The following DDR2 variants were observed in gnomAD, a reference collection of about 807,000 sequenced individuals.
The protein encoded by DDR2 is discoidin domain receptor tyrosine kinase 2.
DDR2 carries 27 observed loss-of-function variants against 94.9 expected under a neutral mutation model. The observed-to-expected ratio is 0.28, with a 90% confidence interval of 0.21 to 0.39. The LOEUF (loss-of-function observed/expected upper bound fraction) is 0.39, where lower values mean the gene tolerates loss of function less well. Among genes scored for constraint, DDR2 ranks in the 10% least tolerant of loss-of-function variants. The probability of loss-of-function intolerance (pLI) is 1.00; values close to 1 mark genes in which losing one functional copy is unlikely to be tolerated. For synonymous variants in DDR2, 382 were observed against 377.2 expected, an observed-to-expected ratio of 1.01 and a Z score of -0.15; for missense variants, 783 against 1,076.0, an observed-to-expected ratio of 0.73 and a Z score of 3.81.
chr1:162,669,157 A>G (rs1006006829), intron 2 of DDR2, among the ~76,000 whole-genome samples: 1 of 152,244 alleles, frequency 6.6e-6, no homozygotes, highest in Non-Finnish European at 1.5e-5. Context: ...GTGACTGGAA[A>G]TATTTTTACT....
upstream of DDR2, chr1:162,631,258 T>C: frequency 6.6e-6 from 1 of 150,824 alleles, no homozygotes. Flanking sequence ...AAACATCTCC[T>C]GCCCCTAACT....
chr1:162,729,303 T>TTG (rs67557461), intron 3 of DDR2, among the ~76,000 whole-genome samples: 5 of 73,430 alleles, frequency 6.8e-5, no homozygotes, highest in African/African-American at 2.7e-4. Flanking sequence ...TATATATATT[T>TTG]TTTTTTTTTT....
At chr1:162,716,707 C>CTT (rs200165734) in intron 2 of DDR2, among the ~76,000 whole-genome samples, 2 of 141,600 alleles carry the variant, frequency 1.4e-5, no homozygotes, top group African/African-American at 5.2e-5. Flanking sequence ...GACTACATTG[C>CTT]TTTTTTTTTT....
chr1:162,737,975 T>A (rs896978610), intron 3 of DDR2, among the ~76,000 whole-genome samples: 14 of 151,996 alleles, frequency 9.2e-5, no homozygotes, highest in African/African-American at 3.4e-4. Flanking sequence ...AAGTGTCCGT[T>A]CATGACAAAC....
At chr1:162,703,744 G>A (rs1660532473) in intron 2 of DDR2, among the ~76,000 whole-genome samples, 2 of 152,164 alleles carry the variant, frequency 1.3e-5, no homozygotes, top group African/African-American at 4.8e-5. Context: ...AGTCACATAA[G>A]CTCCCCTTAT....
At chr1:162,751,137 T>C (rs1479067446) in intron 3 of DDR2, among the ~76,000 whole-genome samples, 2 of 152,140 alleles carry the variant, frequency 1.3e-5, no homozygotes, top group Non-Finnish European at 2.9e-5. Context: ...AAAGCCAAAA[T>C]TGACAAATGG....
At chr1:162,664,694 A>G (rs1194233568) in intron 2 of DDR2, among the ~76,000 whole-genome samples, 1 of 152,228 alleles carries the variant, frequency 6.6e-6, no homozygotes. Context: ...CTTTTAGGTT[A>G]CGGAATTATG....
At position 162,787,237 on chromosome 1, in the gene DDR2, G is replaced by A. The variant is rs1648186037; in HGVS notation, c.*6991G>A. On this transcript the variant is annotated 3_prime_UTR_variant, in exon 18 of 18. Transcript: ENST00000367921. ...TACCCTATTGTTCTTCTGATTTCCAGGAGAACAGAATGAGCCCATGCAAAA... is the reference window on the plus strand; with the variant it reads ...TACCCTATTGTTCTTCTGATTTCCAAGAGAACAGAATGAGCCCATGCAAAA... The A allele has an allele frequency of 6.6e-6, 1 of 151,782 alleles. No individual in the cohort carries two copies. The highest frequency in any genetic ancestry group is 2.4e-5 in the African/African-American group (1 of 41,256). The allele number at this position is 151,782 out of a possible 1,614,324, so 9.4% of individuals were successfully genotyped here.
intron 2 of DDR2, among the ~76,000 whole-genome samples, chr1:162,658,412 A>T (rs1186431418): frequency 6.6e-6 from 1 of 152,162 alleles, no homozygotes; most frequent in East Asian, 1.9e-4. Context: ...ATTTGGGACG[A>T]TGGCTGTGCC....
intron 2 of DDR2, among the ~76,000 whole-genome samples, chr1:162,697,102 G>C (rs1421667461): frequency 2.0e-5 from 3 of 152,244 alleles, no homozygotes; most frequent in Non-Finnish European, 4.4e-5. Context: ...TTACTGGGGA[G>C]AGCTCAGTAG....
intron 2 of DDR2, among the ~76,000 whole-genome samples, chr1:162,681,405 C>T (rs1327114923): frequency 6.6e-6 from 1 of 152,184 alleles, no homozygotes; most frequent in Non-Finnish European, 1.5e-5. Context: ...ATTGTGTCCT[C>T]TTTTCATTAA....
At chr1:162,715,673 G>C (rs771334796) in intron 2 of DDR2, among the ~76,000 whole-genome samples, 21 of 152,180 alleles carry the variant, frequency 1.4e-4, no homozygotes, top group Non-Finnish European at 3.1e-4. Context: ...TATGAGTTTG[G>C]TCACCTATCA....
intron 2 of DDR2, among the ~76,000 whole-genome samples, chr1:162,665,593 G>C (rs1295109275): frequency 6.7e-6 from 1 of 149,942 alleles, no homozygotes; most frequent in African/African-American, 2.5e-5. Flanking sequence ...ACTCATACAG[G>C]CTGCCTTTTA....
rs544042504 is a variant in DDR2 at position 162,747,324 on chromosome 1, A to T, written c.83-5771A>T. Among the ~76,000 whole-genome samples, 5 of 152,326 alleles carry T rather than the reference A, an allele frequency of 3.3e-5. No individual in the cohort carries two copies. In the East Asian group the frequency reaches 9.6e-4, roughly 29 times the overall value. ...GAATAAACAGTGTAGAGAAGACCTT[A>T]AGTGACCTGGTGGAGCTGAAAACCA... On this transcript the variant is annotated intron_variant, in intron 3 of 17. Coordinates refer to ENST00000367921, the MANE Select transcript of DDR2 (RefSeq NM_006182.4).
chr1:162,754,625 C>T lies in DDR2; in HGVS notation c.187C>T (p.Leu63=), dbSNP rs144594252. The T allele has an allele frequency of 6.2e-7, 1 of 1,614,124 alleles. No homozygotes were observed. Among genetic ancestry groups the T allele is most frequent in the African/African-American group, 1.3e-5 (1 of 75,036 alleles). ...SESTAAKYGR[L]DSEEGDGAWC... is the part of the protein sequence containing the mutation. ...TCTCCCCAACCCTCACCTCTCAAGGCTGGACTCAGAAGAAGGGGATGGAGC... is the reference window on the plus strand; with the variant it reads ...TCTCCCCAACCCTCACCTCTCAAGGTTGGACTCAGAAGAAGGGGATGGAGC... The change falls in exon 5 of 18, where the codon CTG becomes TTG. Residue 63 remains leucine (L), a splice_region_variant and synonymous_variant. Transcript: ENST00000367921.
rs913538604 is a variant in DDR2, at chr1:162,707,616, C to T, written c.-27-11421C>T. Reference sequence around the variant, plus strand: ...GTTGGTTTTTCCAAATGCTCACAGGCGCTAGTCATGTAAATCTCCTCCTGG... The same window carrying T: ...GTTGGTTTTTCCAAATGCTCACAGGTGCTAGTCATGTAAATCTCCTCCTGG... On this transcript the variant is annotated intron_variant, in intron 2 of 17. Transcript: ENST00000367921. 8.5e-5 allele frequency among the ~76,000 whole-genome samples: 13 copies of T among 152,084 alleles called. 1 individual carries two copies. Among genetic ancestry groups the T allele is most frequent in the South Asian group, 6.2e-4 (3 of 4,818 alleles).
rs532767730 is a variant in DDR2, at chr1:162,637,623, C to A, written c.-192+4992C>A. Among the ~76,000 whole-genome samples the A allele has an allele frequency of 1.5e-3, 232 of 152,180 alleles. 4 individuals are homozygous for A. Among genetic ancestry groups the A allele is most frequent in the African/African-American group, 5.2e-3 (217 of 41,526 alleles). ...CCTATTTGTTATTATGAAAAGAATACATCATATTGCTGCCTCTCAAGCTGT... is the reference window on the plus strand; with the variant it reads ...CCTATTTGTTATTATGAAAAGAATAAATCATATTGCTGCCTCTCAAGCTGT... On this transcript the variant is annotated intron_variant, in intron 1 of 17. Transcript: ENST00000367921.
At chr1:162,753,724 G>T (rs1663325742) in intron 4 of DDR2, among the ~76,000 whole-genome samples, 1 of 152,180 alleles carries the variant, frequency 6.6e-6, no homozygotes, top group African/African-American at 2.4e-5. Context: ...CAGACAGAGT[G>T]TGGCAGTTTC....
intron 1 of DDR2, among the ~76,000 whole-genome samples, chr1:162,640,807 C>T (rs1657094002): frequency 6.6e-6 from 1 of 151,998 alleles, no homozygotes; most frequent in Non-Finnish European, 1.5e-5. Context: ...TTGTGTCATA[C>T]TCTTCAAATT....
Sources: allele counts gnomAD v4.1 joint callset (sites outside exome capture counted in the v4.1 genomes callset), GRCh38; gene constraint gnomAD v4.1.1; transcripts MANE v1.5; gene names NCBI Gene and HGNC (gene_info 2026-07-23, HGNC 2026-07-21).